The following SMYD3 variants were observed in gnomAD, a reference collection of about 807,000 sequenced individuals.
SMYD3 encodes SET and MYND domain containing 3.
Under a neutral mutation model 57.7 loss-of-function variants are expected in SMYD3, and 36 were observed. The observed-to-expected ratio is 0.62, with a 90% CI of 0.48 to 0.82. The LOEUF is 0.82. Among genes scored for constraint, SMYD3 ranks in the 40% least tolerant of loss-of-function variants. The probability of loss-of-function intolerance (pLI) is 0.00; values close to 1 mark genes in which losing one functional copy is unlikely to be tolerated. For synonymous variants in SMYD3, 211 were observed against 195.0 expected (o/e 1.08, Z -0.68); for missense variants, 515 against 538.8 (o/e 0.96, Z 0.44).
intron 5 of SMYD3, among the ~76,000 whole-genome samples, chr1:246,010,369 C>T (rs2059260373): frequency 6.6e-6 from 1 of 152,124 alleles, no homozygotes; most frequent in African/African-American, 2.4e-5. Context: ...TGAAGCTTCT[C>T]CATGCAGAGA....
intron 1 of SMYD3, among the ~76,000 whole-genome samples, chr1:246,363,345 G>A (rs1192048003): frequency 3.3e-5 from 5 of 151,514 alleles, no homozygotes; most frequent in African/African-American, 1.2e-4. Context: ...GGGAGGTGAG[G>A]GGCGCCTCTG....
In SMYD3 at chr1:245,858,498, G is replaced by A. The variant is rs1183696336; in HGVS notation, c.1074C>T (p.Tyr358=). The change falls in exon 10 of 12, where the codon TAC becomes TAT. Residue 358 remains tyrosine (Y), a splice_region_variant and synonymous_variant. Coordinates refer to ENST00000490107, the MANE Select transcript of SMYD3 (RefSeq NM_001167740.2). ...LFYGTRTMEP[Y]RIFFPGSHPV... ...TCAGCCCTCTCCCTGGGACTTGCCT[G>A]TATGGCTCCATGGTCCGAGTACCAT... is the stretch of plus-strand genomic sequence containing the variant. The A allele has an allele frequency of 9.9e-6, 16 of 1,613,422 alleles. No individual in the cohort carries two copies. Among genetic ancestry groups the A allele is most frequent in the Non-Finnish European group, 1.4e-5 (16 of 1,179,750 alleles).
intron 5 of SMYD3, among the ~76,000 whole-genome samples, chr1:246,323,893 C>A (rs781075723): frequency 7.0e-6 from 1 of 143,050 alleles, no homozygotes; most frequent in African/African-American, 2.8e-5. Flanking sequence ...TTTAAAACTC[C>A]GAAGAGAAAG....
intron 5 of SMYD3, among the ~76,000 whole-genome samples, chr1:246,263,405 G>A (rs1300785212): frequency 6.6e-6 from 1 of 152,158 alleles, no homozygotes; most frequent in African/African-American, 2.4e-5. Flanking sequence ...GTATATTGAA[G>A]TAGAAAAGTT....
At chr1:246,212,007 AGGTG>A (rs1293872461) in intron 5 of SMYD3, among the ~76,000 whole-genome samples, 3 of 152,224 alleles carry the variant, frequency 2.0e-5, no homozygotes, top group African/African-American at 7.2e-5. Flanking sequence ...ATTCCACTTA[AGGTG>A]GATTATATCT....
chr1:246,134,298 A>T (rs993507425), intron 5 of SMYD3, among the ~76,000 whole-genome samples: 1 of 152,142 alleles, frequency 6.6e-6, no homozygotes, highest in African/African-American at 2.4e-5. Flanking sequence ...CCTAAGCTCC[A>T]CTTCAACATA....
chr1:245,863,524 A>G (rs1201832191), intron 9 of SMYD3, among the ~76,000 whole-genome samples: 1 of 152,200 alleles, frequency 6.6e-6, no homozygotes, highest in Non-Finnish European at 1.5e-5. Flanking sequence ...ATATAAAGAG[A>G]CTAATTCTTA....
intron 10 of SMYD3, among the ~76,000 whole-genome samples, chr1:245,837,073 G>C (rs1013270611): frequency 6.6e-6 from 1 of 152,102 alleles, no homozygotes; most frequent in Non-Finnish European, 1.5e-5. Context: ...GTTGGGCGCA[G>C]TGGCAGCACT....
At position 246,195,608 on chromosome 1, in the gene SMYD3, C is replaced by CAT. The variant is rs150814622; in HGVS notation, c.531+131592_531+131593insAT. Among the ~76,000 whole-genome samples, 6 of 151,904 alleles carry CAT rather than the reference C, an allele frequency of 3.9e-5. No homozygotes were observed. The South Asian group carries it at 1.3e-3, about 32-fold the overall frequency. On this transcript the variant is annotated intron_variant, in intron 5 of 11. Transcript: ENST00000490107. ...ATATATACACACAAATGTGCGTGCA[C>CAT]GCGCGCACACACACACACACACACG...
chr1:246,245,376 G>C (rs554519763), intron 5 of SMYD3, among the ~76,000 whole-genome samples: 5 of 152,182 alleles, frequency 3.3e-5, no homozygotes, highest in South Asian at 2.1e-4. Context: ...CTGGGAAGCA[G>C]AGGCTGCAGT....
intron 8 of SMYD3, among the ~76,000 whole-genome samples, chr1:245,879,622 G>A (rs1374590816): frequency 6.6e-6 from 1 of 152,192 alleles, no homozygotes; most frequent in Non-Finnish European, 1.5e-5. Context: ...CATCAGGAGA[G>A]AGCAGAATAG....
At chr1:246,374,538 G>A (rs2066240920) in intron 1 of SMYD3, among the ~76,000 whole-genome samples, 1 of 147,020 alleles carries the variant, frequency 6.8e-6, no homozygotes, top group African/African-American at 2.5e-5. Context: ...CAGTACCACA[G>A]TGCTGTCTCG....
At chr1:245,803,425 T>A (rs2047970216) in intron 10 of SMYD3, among the ~76,000 whole-genome samples, 1 of 145,318 alleles carries the variant, frequency 6.9e-6, no homozygotes, top group African/African-American at 2.9e-5. Context: ...CAATTTCACG[T>A]ATGAACTGGC....
intron 10 of SMYD3, among the ~76,000 whole-genome samples, chr1:245,773,064 A>G (rs1471180484): frequency 5.4e-5 from 8 of 147,954 alleles, no homozygotes; most frequent in Non-Finnish European, 1.0e-4. Flanking sequence ...GAGATTACAC[A>G]CTGGGTTGGG....
At chr1:245,833,917 G>C (rs1013553588) in intron 10 of SMYD3, among the ~76,000 whole-genome samples, 2 of 152,262 alleles carry the variant, frequency 1.3e-5, no homozygotes, top group African/African-American at 4.8e-5. Context: ...TTCTGACACT[G>C]ATTCCAAAGT....
At chr1:246,000,217 C>T (rs1299683400) in intron 5 of SMYD3, among the ~76,000 whole-genome samples, 1 of 152,174 alleles carries the variant, frequency 6.6e-6, no homozygotes, top group Non-Finnish European at 1.5e-5. Flanking sequence ...CACAGCTACT[C>T]GGCTCCTTGT....
chr1:245,763,697 C>T (rs2045953370), intron 11 of SMYD3, among the ~76,000 whole-genome samples: 1 of 152,118 alleles, frequency 6.6e-6, no homozygotes, highest in Non-Finnish European at 1.5e-5. Flanking sequence ...GGGGAGGAGG[C>T]ACAAACAAGG....
chr1:246,414,543 T>C (rs376882946), intron 1 of SMYD3, among the ~76,000 whole-genome samples: 5 of 152,106 alleles, frequency 3.3e-5, no homozygotes, highest in African/African-American at 1.2e-4. Flanking sequence ...CTCACTGTCA[T>C]TATTTTTAAG....
chr1:245,962,738 T>A lies in SMYD3; in HGVS notation c.532-32801A>T, dbSNP rs962495146. On this transcript the variant is annotated intron_variant, in intron 5 of 11. Coordinates refer to ENST00000490107, the MANE Select transcript of SMYD3 (RefSeq NM_001167740.2). ...CAATCATTGCTGTGTTGTTTCACTA[T>A]GTTTCTAGAAACATCCATAGAGGAG... 1.1e-4 allele frequency among the ~76,000 whole-genome samples: 14 copies of A among 126,724 alleles called. 1 individual carries two copies. The highest frequency in any genetic ancestry group is 1.9e-4 in the Non-Finnish European group (11 of 56,682). 83.1% of individuals were successfully genotyped at this position (126,724 alleles called of 152,430 possible).
Sources: allele counts gnomAD v4.1 joint callset (sites outside exome capture counted in the v4.1 genomes callset), GRCh38; gene constraint gnomAD v4.1.1; transcripts MANE v1.5; gene names NCBI Gene and HGNC (gene_info 2026-07-23, HGNC 2026-07-21).